CEP112: variants seen among roughly 807,000 people sequenced by gnomAD.
The protein encoded by CEP112 is centrosomal protein of 112 kDa.
CEP112 carries 127 observed loss-of-function variants against 153.0 expected under a neutral mutation model. The ratio of observed to expected loss-of-function variants is 0.83; its 90% CI spans 0.72 to 0.96. The LOEUF (loss-of-function observed/expected upper bound fraction) is 0.96, where lower values mean the gene tolerates loss of function less well. CEP112 is among the 40% of genes least tolerant of loss of function. The pLI, the probability that CEP112 is intolerant of heterozygous loss-of-function variation, is 0.00. For missense variants in CEP112, 1,089 were observed against 1,101.2 expected, an observed-to-expected ratio of 0.99 and a Z score of 0.16; for synonymous variants, 358 against 374.4, an observed-to-expected ratio of 0.96 and a Z score of 0.51.
chr17:65,936,379 C>T (rs917800693), intron 18 of CEP112, among the ~76,000 whole-genome samples: 1 of 152,108 alleles, frequency 6.6e-6, no homozygotes, highest in Admixed American at 6.5e-5. Flanking sequence ...CAAACTCTTC[C>T]CAAAAAACTG....
intron 21 of CEP112, among the ~76,000 whole-genome samples, chr17:65,792,397 G>T (rs1003289120): frequency 2.6e-5 from 4 of 152,218 alleles, no homozygotes; most frequent in Admixed American, 2.0e-4. Flanking sequence ...TTTAATGAAG[G>T]AGATTTTTAT....
intron 22 of CEP112, among the ~76,000 whole-genome samples, chr17:65,748,709 C>T (rs778080013): frequency 4.6e-5 from 7 of 152,124 alleles, no homozygotes; most frequent in African/African-American, 7.2e-5. Flanking sequence ...CCAAAGAGGG[C>T]GGGTAACTTG....
Position 66,029,893 on chromosome 17 carries a change from C to T in CEP112, c.1349G>A (p.Ser450Asn). The change falls in exon 13 of 27, where the codon AGT becomes AAT. Residue 450 changes from serine (S) to asparagine (N), a missense_variant. By Grantham distance (46) the Ser-to-Asn change is conservative. Coordinates refer to ENST00000535342, the MANE Select transcript of CEP112 (RefSeq NM_001199165.4). ...CCTTGCCTTTACTTCTTGTAATTCACTACACGTTATCTGGTAACATCTTTC... is the reference window on the plus strand; with the variant it reads ...CCTTGCCTTTACTTCTTGTAATTCATTACACGTTATCTGGTAACATCTTTC... ...ELERCYQITC[S>N]ELQEVKARRN... 1 of 1,613,766 alleles carries T rather than the reference C, an allele frequency of 6.2e-7. No homozygotes were observed. Among genetic ancestry groups the T allele is most frequent in the African/African-American group, 1.3e-5 (1 of 75,056 alleles).
At chr17:65,916,040 A>G (rs1472580057) in intron 19 of CEP112, among the ~76,000 whole-genome samples, 7 of 151,992 alleles carry the variant, frequency 4.6e-5, no homozygotes, top group Non-Finnish European at 7.4e-5. Flanking sequence ...AGGTTTTTGT[A>G]TGGTTTCCTC....
intron 12 of CEP112, among the ~76,000 whole-genome samples, chr17:66,038,874 T>A (rs1342754710): frequency 6.6e-6 from 1 of 152,118 alleles, no homozygotes; most frequent in African/African-American, 2.4e-5. Context: ...ATGCATCTAT[T>A]GGCTATGGAG....
intron 18 of CEP112, among the ~76,000 whole-genome samples, chr17:65,960,638 C>T (rs2144755926): frequency 6.6e-6 from 1 of 152,202 alleles, no homozygotes; most frequent in East Asian, 1.9e-4. Flanking sequence ...ATCTACATGT[C>T]ACTTCTATCA....
chr17:66,081,615 A>G lies in CEP112; in HGVS notation c.769-11614T>C, dbSNP rs553207680. Among the ~76,000 whole-genome samples the G allele has an allele frequency of 1.4e-4, 4 of 28,000 alleles. No individual in the cohort carries two copies. The South Asian group carries it at 7.0e-3, about 49-fold the overall frequency. 18.4% of individuals were successfully genotyped at this position (28,000 alleles called of 152,430 possible). A position where few individuals can be genotyped will look rare whatever the true frequency, so the allele number is the denominator to read the frequency against. ...ATATTTGACTAGCAGACTCACAGACAAAAAAAAAAAAAGGCCTAATTCCAA... is the reference window on the plus strand; with the variant it reads ...ATATTTGACTAGCAGACTCACAGACGAAAAAAAAAAAAGGCCTAATTCCAA... On this transcript the variant is annotated intron_variant, in intron 8 of 26. Coordinates refer to ENST00000535342, the MANE Select transcript of CEP112 (RefSeq NM_001199165.4).
chr17:66,043,524 G>A (rs929646669), intron 12 of CEP112, among the ~76,000 whole-genome samples: 3 of 152,062 alleles, frequency 2.0e-5, no homozygotes, highest in Admixed American at 6.6e-5. Flanking sequence ...ATTCCCAGCA[G>A]GGTCCATGGT....
intron 20 of CEP112, among the ~76,000 whole-genome samples, chr17:65,865,463 T>C (rs959179500): frequency 1.3e-5 from 2 of 152,214 alleles, no homozygotes; most frequent in Non-Finnish European, 2.9e-5. Flanking sequence ...GCTAGATATA[T>C]ATCTATAATA....
At chr17:65,979,942 G>A (rs1042301835) in intron 17 of CEP112, among the ~76,000 whole-genome samples, 1 of 152,000 alleles carries the variant, frequency 6.6e-6, no homozygotes, top group Middle Eastern at 3.4e-3. Flanking sequence ...TAAACTACAC[G>A]ATTTCGTCAT....
chr17:65,927,664 G>T lies in CEP112; in HGVS notation c.1898C>A (p.Thr633Asn). The T allele has an allele frequency of 1.3e-6, 2 of 1,583,142 alleles. No homozygotes were observed. The highest frequency in any genetic ancestry group is 1.7e-6 in the Non-Finnish European group (2 of 1,169,478). ...EQMEKVEADLTRSKSLREKQS... is the reference protein window; with the variant it reads ...EQMEKVEADLNRSKSLREKQS... ...TTTCTCACGAAGAGATTTGGATCTA[G>T]TTAGATCTGCCTCCACTTTTTCCAT... The change falls in exon 19 of 27, where the codon ACT (threonine) becomes AAT (asparagine). Residue 633 changes from threonine to asparagine, a missense_variant. Transcript: ENST00000535342.
rs575861167 is a variant in CEP112, at chr17:66,003,806, G to C, written c.1736+1884C>G. Among the ~76,000 whole-genome samples, 8 of 152,218 alleles carry C rather than the reference G, an allele frequency of 5.3e-5. No homozygotes were observed. In the South Asian group the frequency reaches 1.7e-3, roughly 32 times the overall value. ...ACCCTATTGTGAACTGTGCCAGCAA[G>C]AGATTTAGCTTGCACACTCCTTATG... On this transcript the variant is annotated intron_variant, in intron 17 of 26. Transcript: ENST00000535342.
intron 20 of CEP112, among the ~76,000 whole-genome samples, chr17:65,858,286 T>G (rs1431194799): frequency 6.6e-6 from 1 of 152,166 alleles, no homozygotes. Flanking sequence ...CAGTGACCTG[T>G]CCCATGGGAG....
intron 5 of CEP112, among the ~76,000 whole-genome samples, chr17:66,131,343 G>T (rs1679046215): frequency 6.6e-6 from 1 of 152,096 alleles, no homozygotes; most frequent in Non-Finnish European, 1.5e-5. Flanking sequence ...TATAATGATT[G>T]TAGTTTATCA....
chr17:66,038,150 C>T (rs569598781), intron 12 of CEP112, among the ~76,000 whole-genome samples: 2 of 147,804 alleles, frequency 1.4e-5, no homozygotes, highest in African/African-American at 2.5e-5. Context: ...GATTCTGATA[C>T]GATTTATTCA....
intron 21 of CEP112, among the ~76,000 whole-genome samples, chr17:65,766,463 A>G: frequency 6.6e-6 from 1 of 151,580 alleles, no homozygotes. Flanking sequence ...GGCAAATCAG[A>G]AAGGAAAAAA....
At chr17:66,170,443 T>C (rs912697971) in intron 4 of CEP112, among the ~76,000 whole-genome samples, 9 of 152,140 alleles carry the variant, frequency 5.9e-5, no homozygotes, top group African/African-American at 2.2e-4. Context: ...CAAACTCAAA[T>C]ATAACTAAAA....
chr17:66,106,753 CA>C (rs924155195), intron 6 of CEP112, among the ~76,000 whole-genome samples: 2 of 151,754 alleles, frequency 1.3e-5, no homozygotes, highest in African/African-American at 2.4e-5. Context: ...CAAACTATTC[CA>C]AAAAACAGAG....
At chr17:65,894,995 C>T (rs1174614327) in intron 20 of CEP112, among the ~76,000 whole-genome samples, 2 of 151,992 alleles carry the variant, frequency 1.3e-5, no homozygotes, top group African/African-American at 4.8e-5. Context: ...TTATGACTAT[C>T]AGTATTTTAA....
Sources: allele counts gnomAD v4.1 joint callset (sites outside exome capture counted in the v4.1 genomes callset), GRCh38; gene constraint gnomAD v4.1.1; transcripts MANE v1.5; gene names NCBI Gene and HGNC (gene_info 2026-07-23, HGNC 2026-07-21).